Variants in PPP1R12A observed in about 807,000 individuals in gnomAD.
PPP1R12A encodes protein phosphatase 1 regulatory subunit 12A, also known as myosin binding subunit.
Under a neutral mutation model 139.6 loss-of-function variants are expected in PPP1R12A, and 19 were observed. The ratio of observed to expected loss-of-function variants is 0.14; its 90% CI spans 0.09 to 0.20. The LOEUF (loss-of-function observed/expected upper bound fraction) is 0.20. Among genes scored for constraint, PPP1R12A ranks in the 10% least tolerant of loss-of-function variants. The pLI is 1.00. For missense variants in PPP1R12A, 925 were observed against 1,211.5 expected, an observed-to-expected ratio of 0.76 and a Z score of 3.51; for synonymous variants, 427 against 420.6, an observed-to-expected ratio of 1.02 and a Z score of -0.19.
chr12:79,872,821 G>A lies in PPP1R12A; in HGVS notation c.355C>T (p.Leu119Phe). 1 of 1,613,446 alleles carries A rather than the reference G, an allele frequency of 6.2e-7. No individual in the cohort carries two copies. The highest frequency in any genetic ancestry group is 2.2e-5 in the East Asian group (1 of 44,812). ...PLHAAASCGY[L>F]DIAEFLIGQG... ...GAACTGGCTTACTCTGCAATATCAAGATATCCACAGGAAGCTGCTGCATGT... is the reference window on the plus strand; with the variant it reads ...GAACTGGCTTACTCTGCAATATCAAAATATCCACAGGAAGCTGCTGCATGT... The change falls in exon 2 of 25, where the codon CTT (leucine) becomes TTT (phenylalanine). Residue 119 changes from leucine (L) to phenylalanine (F), a missense_variant. By Grantham distance (22) the Leu-to-Phe change is conservative. Coordinates refer to ENST00000450142, the MANE Select transcript of PPP1R12A (RefSeq NM_002480.3).
chr12:79,926,820 G>A (rs1344829021), intron 1 of PPP1R12A, among the ~76,000 whole-genome samples: 2 of 152,008 alleles, frequency 1.3e-5, no homozygotes, highest in Non-Finnish European at 2.9e-5. Flanking sequence ...TCCATGGTAT[G>A]AAGTTTCCTA....
chr12:79,890,681 T>C (rs529833386), intron 1 of PPP1R12A, among the ~76,000 whole-genome samples: 17 of 152,234 alleles, frequency 1.1e-4, no homozygotes, highest in Admixed American at 2.6e-4. Context: ...TCAACATTAA[T>C]TGAACAACTT....
rs185372593 is a variant in PPP1R12A, at chr12:79,816,717, G to A, written c.1239+677C>T. Among the ~76,000 whole-genome samples, 681 of 152,248 alleles carry A rather than the reference G, an allele frequency of 4.5e-3. 4 individuals carry two copies. Among genetic ancestry groups the A allele is most frequent in the Non-Finnish European group, 6.8e-3 (459 of 67,988 alleles). On this transcript the variant is annotated intron_variant, in intron 9 of 24. Transcript: ENST00000450142. ...AACTAACATTTTGAAAACACACTCA[G>A]TTTACTGGCCAGGCTATCTCAACCA...
chr12:79,850,962 A>G (rs1879975273), intron 2 of PPP1R12A, among the ~76,000 whole-genome samples: 1 of 152,208 alleles, frequency 6.6e-6, no homozygotes, highest in Non-Finnish European at 1.5e-5. Flanking sequence ...TGAGTCAATT[A>G]TACCTCTTTT....
chr12:79,910,731 T>C (rs903557682), intron 1 of PPP1R12A, among the ~76,000 whole-genome samples: 46 of 152,194 alleles, frequency 3.0e-4, no homozygotes, highest in Admixed American at 1.3e-4. Flanking sequence ...CAAAGATGAA[T>C]ACTAACAGTT....
chr12:79,897,731 C>T (rs1885261329), intron 1 of PPP1R12A, among the ~76,000 whole-genome samples: 2 of 152,102 alleles, frequency 1.3e-5, no homozygotes, highest in East Asian at 3.9e-4. Flanking sequence ...CTCCTCCACC[C>T]TTTTTAAACT....
rs957470515 is a variant in PPP1R12A at position 79,796,978 on chromosome 12, T to C, written c.2293-28A>G. 7.0e-6 allele frequency: 11 copies of C among 1,570,186 alleles called. No homozygotes were observed. In the East Asian group the frequency reaches 1.8e-4, roughly 26 times the overall value. On this transcript the variant is annotated intron_variant, in intron 16 of 24. Coordinates refer to ENST00000450142, the MANE Select transcript of PPP1R12A (RefSeq NM_002480.3). ...GTGAAACATTAAGATCAAAACCCAT[T>C]TGAAACATTAAACACAATTAAAAAC...
In PPP1R12A at chr12:79,934,917, G is replaced by A. The variant is rs1284807488; in HGVS notation, c.15C>T (p.Asp5=). ...GCTGCTCGTTCCGCTTCTGCTTCGC[G>A]TCCGCCATCTTCATCCCCTCTCCTG... The part of the protein sequence containing the change: MKMA[D]AKQKRNEQLK... Residue 5 remains aspartate (D), a synonymous_variant, in exon 1 of 25, where the codon GAC becomes GAT. Transcript: ENST00000450142. 5.0e-6 allele frequency: 8 copies of A among 1,598,454 alleles called. 1 individual carries two copies. In the Middle Eastern group the frequency reaches 5.0e-4, roughly 99 times the overall value.
intron 4 of PPP1R12A, among the ~76,000 whole-genome samples, chr12:79,829,380 CTTTA>C (rs1428425664): frequency 6.6e-6 from 1 of 152,076 alleles, no homozygotes; most frequent in Non-Finnish European, 1.5e-5. Context: ...TATAATCCCC[CTTTA>C]TTTATTTAAG....
chr12:79,827,280 C>T (rs1236105604), intron 5 of PPP1R12A, among the ~76,000 whole-genome samples: 2 of 152,036 alleles, frequency 1.3e-5, no homozygotes, highest in East Asian at 3.9e-4. Flanking sequence ...TTACCAATTC[C>T]TATGATTTTC....
At chr12:79,823,675 C>G (rs1181783599) in intron 5 of PPP1R12A, 1 of 152,000 alleles carries the variant, frequency 6.6e-6, no homozygotes, top group Non-Finnish European at 1.5e-5. Flanking sequence ...CTCACTGCAG[C>G]CTCAACCTCC....
intron 1 of PPP1R12A, among the ~76,000 whole-genome samples, chr12:79,892,134 T>G (rs1350265650): frequency 6.6e-6 from 1 of 152,224 alleles, no homozygotes; most frequent in Admixed American, 6.5e-5. Flanking sequence ...TAAGCTTATG[T>G]GTATCCAAAC....
chr12:79,892,814 C>T (rs1884780470), intron 1 of PPP1R12A, among the ~76,000 whole-genome samples: 2 of 152,006 alleles, frequency 1.3e-5, no homozygotes, highest in Non-Finnish European at 2.9e-5. Flanking sequence ...TTAATAAATG[C>T]TCTTTGAGGT....
At chr12:79,829,345 C>T (rs1877146192) in intron 4 of PPP1R12A, among the ~76,000 whole-genome samples, 1 of 152,090 alleles carries the variant, frequency 6.6e-6, no homozygotes, top group African/African-American at 2.4e-5. Context: ...TTTTTACCTA[C>T]AGGAGGTGGT....
intron 2 of PPP1R12A, among the ~76,000 whole-genome samples, chr12:79,871,547 T>C (rs1371848314): frequency 1.3e-5 from 2 of 152,200 alleles, no homozygotes; most frequent in African/African-American, 4.8e-5. Context: ...TACTACTTTA[T>C]AGAAGAGAAA....
intron 18 of PPP1R12A, among the ~76,000 whole-genome samples, chr12:79,794,291 T>G (rs1296700322): frequency 6.6e-6 from 1 of 152,086 alleles, no homozygotes; most frequent in East Asian, 1.9e-4. Context: ...CTTTTTAAAC[T>G]TTTTTAAATA....
At chr12:79,929,319 G>A (rs1411366929) in intron 1 of PPP1R12A, among the ~76,000 whole-genome samples, 1 of 152,140 alleles carries the variant, frequency 6.6e-6, no homozygotes, top group Non-Finnish European at 1.5e-5. Context: ...ACCTGTCCAC[G>A]GCCCAGCGTT....
intron 5 of PPP1R12A, among the ~76,000 whole-genome samples, chr12:79,827,469 G>A (rs1053069768): frequency 1.3e-5 from 2 of 151,998 alleles, no homozygotes; most frequent in African/African-American, 4.8e-5. Flanking sequence ...AATATACAAG[G>A]AACATTCTAT....
rs548873914 is a variant in PPP1R12A at position 79,792,573 on chromosome 12, G to A, written c.2649+1290C>T. Among the ~76,000 whole-genome samples, 188 of 152,114 alleles carry A rather than the reference G, an allele frequency of 1.2e-3. 1 individual carries two copies. Among genetic ancestry groups the A allele is most frequent in the East Asian group, 3.9e-3 (20 of 5,178 alleles). On this transcript the variant is annotated intron_variant, in intron 19 of 24. Transcript: ENST00000450142. ...TAAATTGAAAATAAAAAAACTTTTC[G>A]TCTTAGAAACAATGTTCCTCTTCAT...
Sources: gnomAD v4.1 joint callset for allele counts (sites outside exome capture counted in the v4.1 genomes callset) on GRCh38, gnomAD v4.1.1 for gene constraint, MANE v1.5 for transcripts, NCBI Gene and HGNC (gene_info 2026-07-23, HGNC 2026-07-21) for gene names.